Variants in LRRC58 observed in about 807,000 individuals in gnomAD.
LRRC58 encodes leucine-rich repeat-containing protein 58.
Under a neutral mutation model 30.6 loss-of-function variants are expected in LRRC58, and 18 were observed. The ratio of observed to expected loss-of-function variants is 0.59; its 90% CI spans 0.41 to 0.87. The LOEUF (loss-of-function observed/expected upper bound fraction) is 0.87, where lower values mean the gene tolerates loss of function less well. LRRC58 is among the 40% of genes least tolerant of loss of function. LRRC58 has a pLI of 0.00. For synonymous variants in LRRC58, 221 were observed against 206.0 expected, an observed-to-expected ratio of 1.07 and a Z score of -0.62; for missense variants, 420 against 468.4, an observed-to-expected ratio of 0.90 and a Z score of 0.95.
chr3:120,348,160 A>G (rs1277005330), intron 1 of LRRC58, among the ~76,000 whole-genome samples: 1 of 152,210 alleles, frequency 6.6e-6, no homozygotes, highest in Non-Finnish European at 1.5e-5. Flanking sequence ...GAAACATTCC[A>G]AGCAAGGGAA....
At position 120,327,972 on chromosome 3, in the gene LRRC58, C is replaced by G. The variant is rs1452433009; in HGVS notation, c.*3228G>C. On this transcript the variant is annotated 3_prime_UTR_variant, in exon 4 of 4. Coordinates refer to ENST00000295628, the MANE Select transcript of LRRC58 (RefSeq NM_001099678.2). ...ATGTTGGCCAGGCTGGTCTCAAATT[C>G]CTGACTGCATATGATCCATCCACTT... 1 of 152,138 alleles carries G rather than the reference C, an allele frequency of 6.6e-6. No homozygotes were observed. The allele number at this position is 152,138 out of a possible 1,614,324, so 9.4% of individuals were successfully genotyped here. A position where few individuals can be genotyped will look rare whatever the true frequency, so the allele number is the denominator to read the frequency against.
chr3:120,343,864 T>C (rs1036464408), intron 1 of LRRC58, among the ~76,000 whole-genome samples: 2 of 151,918 alleles, frequency 1.3e-5, no homozygotes, highest in African/African-American at 4.8e-5. Flanking sequence ...ACCCCGTCTC[T>C]ACTGAAAATA....
At chr3:120,332,426 G>T (rs115676096) in intron 3 of LRRC58, among the ~76,000 whole-genome samples, 1 of 152,038 alleles carries the variant, frequency 6.6e-6, no homozygotes, top group African/African-American at 2.4e-5. Flanking sequence ...TAAAAAAGGC[G>T]AAATTTGTGG....
At chr3:120,332,605 G>A (rs956179063) in intron 3 of LRRC58, among the ~76,000 whole-genome samples, 8 of 152,120 alleles carry the variant, frequency 5.3e-5, no homozygotes, top group Admixed American at 1.3e-4. Flanking sequence ...ACTATCTTGT[G>A]ATTTATAAGA....
chr3:120,331,506 ATCTTCTG>A lies in LRRC58; in HGVS notation c.908-105_908-99del, dbSNP rs1032910115. The stretch of plus-strand genomic sequence containing the variant: ...GTGTTCTGGAGAAATGTCATACACC[ATCTTCTG>A]TTATGAATCTTAAGCAGAAGTAGTA... On this transcript the variant is annotated intron_variant, in intron 3 of 3. Transcript: ENST00000295628. 1.9e-5 allele frequency: 16 copies of A among 844,138 alleles called. No individual in the cohort carries two copies. The African/African-American group carries it at 2.5e-4, about 13-fold the overall frequency. 52.3% of individuals were successfully genotyped at this position (844,138 alleles called of 1,614,324 possible).
chr3:120,336,830 ATATATTTATT>A (rs1295845568), intron 1 of LRRC58, among the ~76,000 whole-genome samples: 1 of 147,510 alleles, frequency 6.8e-6, no homozygotes, highest in Non-Finnish European at 1.5e-5. Flanking sequence ...TTCTTACTAT[ATATATTTATT>A]TATTTATATA....
At position 120,330,483 on chromosome 3, in the gene LRRC58, T is replaced by C. The variant is rs1025675964; in HGVS notation, c.*717A>G. 1.6e-4 allele frequency: 25 copies of C among 152,182 alleles called. No individual in the cohort carries two copies. Among genetic ancestry groups the C allele is most frequent in the African/African-American group, 6.0e-4 (25 of 41,460 alleles). The allele number at this position is 152,182 out of a possible 1,614,324, so 9.4% of individuals were successfully genotyped here. ...GGTTGCTCTGGCATTACTTCTTGAA[T>C]ACATTTTTATATCCTTGCTGGATTA... is the stretch of plus-strand genomic sequence containing the variant. On this transcript the variant is annotated 3_prime_UTR_variant, in exon 4 of 4. Coordinates refer to ENST00000295628, the MANE Select transcript of LRRC58 (RefSeq NM_001099678.2).
chr3:120,338,554 C>CT (rs1396260862), intron 1 of LRRC58, among the ~76,000 whole-genome samples: 1 of 152,224 alleles, frequency 6.6e-6, no homozygotes, highest in African/African-American at 2.4e-5. Flanking sequence ...AAGTTACACT[C>CT]TAGAGAGGGT....
At chr3:120,332,263 T>C (rs930418633) in intron 3 of LRRC58, among the ~76,000 whole-genome samples, 2 of 152,236 alleles carry the variant, frequency 1.3e-5, no homozygotes, top group Non-Finnish European at 2.9e-5. Flanking sequence ...TCTGCCTAAG[T>C]TTCTTCTGGC....
intron 1 of LRRC58, among the ~76,000 whole-genome samples, chr3:120,339,765 CCTTT>C (rs1199560250): frequency 1.3e-5 from 2 of 152,038 alleles, no homozygotes; most frequent in South Asian, 2.1e-4. Flanking sequence ...TAGAGAGCTC[CCTTT>C]CTTTAACTGT....
chr3:120,327,855 CTT>C lies in LRRC58; in HGVS notation c.*3343_*3344del, dbSNP rs1559991832. The C allele has an allele frequency of 6.6e-6, 1 of 152,108 alleles. No homozygotes were observed. Among genetic ancestry groups the C allele is most frequent in the Non-Finnish European group, 1.5e-5 (1 of 68,032 alleles). 9.4% of individuals were successfully genotyped at this position (152,108 alleles called of 1,614,324 possible). On this transcript the variant is annotated 3_prime_UTR_variant, in exon 4 of 4. Transcript: ENST00000295628. The stretch of plus-strand genomic sequence containing the variant: ...CTGTCTCCCAAGTTCAAGTGATTCT[CTT>C]GTCTTAGCCTCCGGAGTTAGCTGGG...
At chr3:120,345,410 C>T (rs901178412) in intron 1 of LRRC58, among the ~76,000 whole-genome samples, 6 of 152,086 alleles carry the variant, frequency 3.9e-5, no homozygotes, top group Non-Finnish European at 8.8e-5. Context: ...ATCAGGGTAA[C>T]CAATGAAGTC....
intron 1 of LRRC58, among the ~76,000 whole-genome samples, chr3:120,340,623 C>T (rs1022018923): frequency 6.6e-6 from 1 of 152,114 alleles, no homozygotes; most frequent in African/African-American, 2.4e-5. Flanking sequence ...CACCTAATCC[C>T]AGCACTTTGG....
At chr3:120,331,495 T>C in intron 3 of LRRC58, 87 bp from the exon 4 acceptor site, 1 of 935,230 alleles carries the variant, frequency 1.1e-6, no homozygotes, top group South Asian at 1.5e-5. Flanking sequence ...TCTGGAGAAA[T>C]GTCATACACC....
rs1301174354 is a variant in LRRC58, at chr3:120,324,872, CTTAT to C, written c.*6324_*6327del. 4 of 152,084 alleles carry C rather than the reference CTTAT, an allele frequency of 2.6e-5. No homozygotes were observed. Among genetic ancestry groups the C allele is most frequent in the Non-Finnish European group, 5.9e-5 (4 of 67,996 alleles). The allele number at this position is 152,084 out of a possible 1,614,324, so 9.4% of individuals were successfully genotyped here. On this transcript the variant is annotated 3_prime_UTR_variant, in exon 4 of 4. Coordinates refer to ENST00000295628, the MANE Select transcript of LRRC58 (RefSeq NM_001099678.2). The stretch of plus-strand genomic sequence containing the variant: ...CACTTATTTCTACCATTAAGTTTTA[CTTAT>C]TTATCTATAGATGTAGATATTCCTA...
intron 3 of LRRC58, among the ~76,000 whole-genome samples, chr3:120,332,921 T>C (rs1935777855): frequency 6.6e-6 from 1 of 151,958 alleles, no homozygotes; most frequent in African/African-American, 2.4e-5. Flanking sequence ...AACTAATGTT[T>C]ATATTTTTTG....
chr3:120,347,379 C>CTTTTTTTGTTTTTTTTTT (rs1935982610), intron 1 of LRRC58, among the ~76,000 whole-genome samples: 1 of 54,828 alleles, frequency 1.8e-5, no homozygotes, highest in Non-Finnish European at 3.5e-5. Context: ...GGCCAATATT[C>CTTTTTTTGTTTTTTTTTT]TTTTTTTTTT....
intron 1 of LRRC58, among the ~76,000 whole-genome samples, chr3:120,343,724 C>A (rs368125122): frequency 6.6e-6 from 1 of 152,078 alleles, no homozygotes; most frequent in Non-Finnish European, 1.5e-5. Context: ...AAACTGACAC[C>A]GAACATCATA....
intron 3 of LRRC58, among the ~76,000 whole-genome samples, chr3:120,332,951 T>C (rs78731095): frequency 0.056 from 8,557 of 152,112 alleles, 277 homozygotes; most frequent in East Asian, 0.092. Context: ...GGTCTCGCTA[T>C]GTTGCCTAGG....
Sources: gnomAD v4.1 joint callset for allele counts (sites outside exome capture counted in the v4.1 genomes callset) on GRCh38, gnomAD v4.1.1 for gene constraint, MANE v1.5 for transcripts, NCBI Gene and HGNC (gene_info 2026-07-23, HGNC 2026-07-21) for gene names.